Variants in BAZ2B observed in about 807,000 individuals in gnomAD.
BAZ2B encodes bromodomain adjacent to zinc finger domain 2B.
BAZ2B carries 91 observed loss-of-function variants against 246.0 expected under a neutral mutation model. The observed-to-expected ratio is 0.37, with a 90% CI of 0.31 to 0.44. The LOEUF is 0.44. Among genes scored for constraint, BAZ2B ranks in the 20% least tolerant of loss-of-function variants. The pLI is 1.00. For missense variants in BAZ2B, 2,332 were observed against 2,533.7 expected (o/e 0.92, Z 1.71); for synonymous variants, 855 against 860.0 (o/e 0.99, Z 0.10).
At chr2:159,347,974 C>T (rs1257571061) in intron 30 of BAZ2B, among the ~76,000 whole-genome samples, 1 of 151,866 alleles carries the variant, frequency 6.6e-6, no homozygotes, top group Non-Finnish European at 1.5e-5. Flanking sequence ...GTTCTAGGAC[C>T]CCCTCTGCCC....
chr2:159,672,387 A>C, the BAZ2B span, among the ~76,000 whole-genome samples: 6 of 152,218 alleles, frequency 3.9e-5, no homozygotes, highest in African/African-American at 1.4e-4. Flanking sequence ...CCACATAAAC[A>C]ATGTTCAACA....
the BAZ2B span, among the ~76,000 whole-genome samples, chr2:159,683,364 A>G: frequency 6.6e-6 from 1 of 152,076 alleles, no homozygotes; most frequent in African/African-American, 2.4e-5. Flanking sequence ...GCCTCCTGAG[A>G]AACTGGGACT....
intron 27 of BAZ2B, among the ~76,000 whole-genome samples, chr2:159,352,883 T>C (rs1156568810): frequency 6.6e-6 from 1 of 152,262 alleles, no homozygotes; most frequent in African/African-American, 2.4e-5. Flanking sequence ...CATGCACCTG[T>C]AGTCCCAGCT....
At chr2:159,687,085 C>T in the BAZ2B span, among the ~76,000 whole-genome samples, 2 of 144,300 alleles carry the variant, frequency 1.4e-5, no homozygotes, top group Admixed American at 1.4e-4. Flanking sequence ...AAAATATTAA[C>T]ACTAGAGGAA....
At chr2:159,514,284 C>T (rs146395569) in intron 2 of BAZ2B, among the ~76,000 whole-genome samples, 137 of 152,246 alleles carry the variant, frequency 9.0e-4, no homozygotes, top group African/African-American at 2.9e-3. Context: ...AAATTAAATA[C>T]GGAAATAAAA....
rs187571145 is a variant in BAZ2B, at chr2:159,478,638, C to T, written c.82G>A (p.Val28Ile). 1.9e-6 allele frequency: 3 copies of T among 1,611,682 alleles called. No homozygotes were observed. Among genetic ancestry groups the T allele is most frequent in the East Asian group, 2.2e-5 (1 of 44,638 alleles). ...GTGGAAAGGCCACCTTTTGAAACTA[C>T]TGAAGCCACAGAAGGTGTCGAAGAT... is the stretch of plus-strand genomic sequence containing the variant. ...TSSSTPSVASVVSKGGLSTGV... is the reference protein window; with the variant it reads ...TSSSTPSVASIVSKGGLSTGV... The change falls in exon 3 of 37, where the codon GTA (valine) becomes ATA (isoleucine). Residue 28 changes from valine (V) to isoleucine (I), a missense_variant. By Grantham distance (29) the Val-to-Ile change is conservative. Transcript: ENST00000392783.
At chr2:159,698,133 T>C in the BAZ2B span, among the ~76,000 whole-genome samples, 12 of 152,190 alleles carry the variant, frequency 7.9e-5, no homozygotes, top group Non-Finnish European at 1.5e-4. Flanking sequence ...GCCCAGTACA[T>C]ATTAGTATGC....
intron 1 of BAZ2B, among the ~76,000 whole-genome samples, chr2:159,579,217 C>T (rs1436587345): frequency 7.8e-5 from 8 of 102,988 alleles, no homozygotes; most frequent in African/African-American, 1.8e-4. Context: ...ATCAAATAGA[C>T]GCAATAAAAA....
chr2:159,449,490 C>A (rs912509655), intron 4 of BAZ2B, among the ~76,000 whole-genome samples: 19 of 152,060 alleles, frequency 1.2e-4, no homozygotes, highest in Admixed American at 1.2e-3. Flanking sequence ...TAGGAATATC[C>A]TTCATTAAAA....
chr2:159,391,721 G>T (rs1377353106), intron 20 of BAZ2B, among the ~76,000 whole-genome samples: 3 of 152,052 alleles, frequency 2.0e-5, no homozygotes, highest in Non-Finnish European at 4.4e-5. Context: ...CTGGTGACAT[G>T]CAATACTTTT....
At chr2:159,623,597 G>A in the BAZ2B span, among the ~76,000 whole-genome samples, 20 of 152,158 alleles carry the variant, frequency 1.3e-4, no homozygotes, top group African/African-American at 4.1e-4. Context: ...AAAAGGGGCA[G>A]TTTTTGTTTC....
intron 2 of BAZ2B, among the ~76,000 whole-genome samples, chr2:159,492,333 C>G (rs146675035): frequency 7.9e-4 from 121 of 152,282 alleles, no homozygotes; most frequent in African/African-American, 2.8e-3. Context: ...GTCAGATATC[C>G]CAAACCCTTA....
intron 6 of BAZ2B, among the ~76,000 whole-genome samples, chr2:159,446,338 A>T (rs925100515): frequency 1.3e-5 from 2 of 152,220 alleles, no homozygotes; most frequent in Non-Finnish European, 2.9e-5. Context: ...GCTGAATAAT[A>T]GGTACAAATG....
At chr2:159,682,887 T>C in the BAZ2B span, among the ~76,000 whole-genome samples, 10 of 141,664 alleles carry the variant, frequency 7.1e-5, no homozygotes, top group East Asian at 2.1e-3. Context: ...GCATCTCTGT[T>C]TTAGAGATAA....
rs1021301104 is a variant in BAZ2B, at chr2:159,325,328, A to G, written c.6209+325T>C. On this transcript the variant is annotated intron_variant, in intron 35 of 36. Transcript: ENST00000392783. The stretch of plus-strand genomic sequence containing the variant: ...GTATTTTTAGTAGAGACAGGGTTTC[A>G]CCATGTTGGCCAGGCTGGTCTTGAA... Among the ~76,000 whole-genome samples the G allele has an allele frequency of 8.0e-5, 12 of 150,096 alleles. No homozygotes were observed. The South Asian group carries it at 1.7e-3, about 21-fold the overall frequency.
At chr2:159,476,387 T>C (rs2078553944) in intron 3 of BAZ2B, among the ~76,000 whole-genome samples, 1 of 152,160 alleles carries the variant, frequency 6.6e-6, no homozygotes, top group Non-Finnish European at 1.5e-5. Flanking sequence ...CATCTCAATA[T>C]AAATACTCTA....
At chr2:159,663,995 T>C in the BAZ2B span, among the ~76,000 whole-genome samples, 4 of 82,116 alleles carry the variant, frequency 4.9e-5, no homozygotes, top group Non-Finnish European at 9.9e-5. Context: ...CATCTAGCAT[T>C]AGGTATATCT....
At chr2:159,382,941 T>A (rs2062174444) in intron 24 of BAZ2B, 139 bp from the exon 25 acceptor site, 9 of 1,170,224 alleles carry the variant, frequency 7.7e-6, no homozygotes, top group Admixed American at 3.1e-5. Flanking sequence ...TTAAAAAAAA[T>A]TAGAATTAGG....
At chr2:159,462,030 G>A (rs56349741) in intron 3 of BAZ2B, 3,300 of 189,610 alleles carry the variant, frequency 0.017, 114 homozygotes, top group African/African-American at 0.069. Flanking sequence ...TGCTTGGAAG[G>A]ATAGGGGTAG....
Sources: gnomAD v4.1 joint callset for allele counts (sites outside exome capture counted in the v4.1 genomes callset) on GRCh38, gnomAD v4.1.1 for gene constraint, MANE v1.5 for transcripts, NCBI Gene and HGNC (gene_info 2026-07-23, HGNC 2026-07-21) for gene names.